Variants in MYO1D observed in about 807,000 individuals in gnomAD.
MYO1D encodes unconventional myosin-Id.
A neutral mutation model predicts 122.0 loss-of-function variants in MYO1D; 83 were observed. The observed-to-expected ratio is 0.68, with a 90% CI of 0.57 to 0.82. The LOEUF is 0.82. Among genes scored for constraint, MYO1D ranks in the 40% least tolerant of loss-of-function variants. MYO1D has a pLI of 0.00. For missense variants in MYO1D, 1,157 were observed against 1,269.5 expected, an observed-to-expected ratio of 0.91 and a Z score of 1.35; for synonymous variants, 464 against 446.9, an observed-to-expected ratio of 1.04 and a Z score of -0.48.
chr17:32,510,852 C>A (rs1909669278), intron 21 of MYO1D: 1 of 152,080 alleles, frequency 6.6e-6, no homozygotes, highest in South Asian at 2.1e-4. Context: ...TTCCTCTGAC[C>A]CTGCCAAAAT....
intron 1 of MYO1D, among the ~76,000 whole-genome samples, chr17:32,822,033 A>C (rs898463433): frequency 1.3e-5 from 2 of 152,226 alleles, no homozygotes; most frequent in East Asian, 1.9e-4. Context: ...GGTATATACC[A>C]AAAGGATTAT....
chr17:32,632,515 C>G (rs892883128), intron 20 of MYO1D: 1 of 149,952 alleles, frequency 6.7e-6, no homozygotes, highest in Non-Finnish European at 1.5e-5. Context: ...CCATCTGACT[C>G]CTAAAGGCAT....
intron 12 of MYO1D, among the ~76,000 whole-genome samples, chr17:32,748,152 T>G (rs551848979): frequency 6.6e-6 from 1 of 152,356 alleles, no homozygotes; most frequent in African/African-American, 2.4e-5. Flanking sequence ...AATTTTTAGT[T>G]ATACTTTCTG....
At chr17:32,732,046 C>T (rs574671453) in intron 14 of MYO1D, among the ~76,000 whole-genome samples, 1 of 152,232 alleles carries the variant, frequency 6.6e-6, no homozygotes, top group Non-Finnish European at 1.5e-5. Flanking sequence ...GGTATGCGCA[C>T]ACTTGGGGCA....
intron 20 of MYO1D, among the ~76,000 whole-genome samples, chr17:32,623,106 C>CCCTT (rs10635904): frequency 0.58 from 87,862 of 151,550 alleles, 26,180 homozygotes; most frequent in African/African-American, 0.71. Flanking sequence ...AATGGCTGCT[C>CCCTT]AACAGGAGCC....
At chr17:32,736,221 A>G (rs2089699310) in intron 14 of MYO1D, among the ~76,000 whole-genome samples, 1 of 152,224 alleles carries the variant, frequency 6.6e-6, no homozygotes, top group African/African-American at 2.4e-5. Context: ...TGTAGCAGAG[A>G]TTGCTAGGCT....
rs552559382 is a variant in MYO1D at position 32,782,867 on chromosome 17, G to A, written c.96-2083C>T. On this transcript the variant is annotated intron_variant, in intron 1 of 21. Coordinates refer to ENST00000318217, the MANE Select transcript of MYO1D (RefSeq NM_015194.3). Reference sequence around the variant, plus strand: ...GGAGGATCGGTTGAACCTGGGAGGCGGAGGTTGCAGTGAGGCAAGATCGCA... The same window carrying A: ...GGAGGATCGGTTGAACCTGGGAGGCAGAGGTTGCAGTGAGGCAAGATCGCA... 8.6e-5 allele frequency among the ~76,000 whole-genome samples: 13 copies of A among 152,030 alleles called. No homozygotes were observed. In the South Asian group the frequency reaches 2.1e-3, roughly 24 times the overall value.
chr17:32,543,878 C>T (rs1006858305), intron 21 of MYO1D, among the ~76,000 whole-genome samples: 2 of 152,064 alleles, frequency 1.3e-5, no homozygotes, highest in South Asian at 2.1e-4. Context: ...CTGCAACCTC[C>T]GCCTCCCAGG....
At chr17:32,778,200 A>G (rs1427103409) in intron 3 of MYO1D, among the ~76,000 whole-genome samples, 1 of 152,222 alleles carries the variant, frequency 6.6e-6, no homozygotes, top group Non-Finnish European at 1.5e-5. Context: ...AACACTTTCA[A>G]CTGTTTCAGA....
intron 21 of MYO1D, among the ~76,000 whole-genome samples, chr17:32,552,105 T>G (rs2087021111): frequency 6.6e-6 from 1 of 152,228 alleles, no homozygotes; most frequent in East Asian, 1.9e-4. Flanking sequence ...GGACAGGGTC[T>G]TGCTTTGTTG....
intron 16 of MYO1D, among the ~76,000 whole-genome samples, chr17:32,673,090 C>CTTATTTTTT (rs2088746006): frequency 3.5e-5 from 1 of 28,628 alleles, no homozygotes; most frequent in Non-Finnish European, 8.5e-5. Context: ...AAACATGCTA[C>CTTATTTTTT]TTTTTTTTTT....
intron 14 of MYO1D, among the ~76,000 whole-genome samples, chr17:32,726,225 C>T (rs554727012): frequency 1.3e-5 from 2 of 152,168 alleles, no homozygotes; most frequent in East Asian, 3.9e-4. Context: ...TTGAGACCAG[C>T]CTGGCCAACA....
At chr17:32,646,544 G>C (rs1423568353) in intron 19 of MYO1D, among the ~76,000 whole-genome samples, 2 of 151,872 alleles carry the variant, frequency 1.3e-5, no homozygotes, top group African/African-American at 4.8e-5. Context: ...ATGAGTGTAG[G>C]GCAAAAGAAT....
intron 1 of MYO1D, among the ~76,000 whole-genome samples, chr17:32,815,595 A>G (rs1053019252): frequency 1.3e-5 from 2 of 152,246 alleles, no homozygotes; most frequent in African/African-American, 2.4e-5. Context: ...AGATTTGCCA[A>G]TGAGAACAGG....
chr17:32,818,449 G>A (rs910641410), intron 1 of MYO1D, among the ~76,000 whole-genome samples: 2 of 152,196 alleles, frequency 1.3e-5, no homozygotes, highest in African/African-American at 2.4e-5. Context: ...ACACTGCAAC[G>A]GAGGCAGATG....
rs2089502806 is a variant in MYO1D at position 32,720,970 on chromosome 17, G to A, written c.1913+53C>T. The A allele has an allele frequency of 5.2e-6, 8 of 1,544,352 alleles. 1 individual carries two copies. In the South Asian group the frequency reaches 9.8e-5, roughly 19 times the overall value. On this transcript the variant is annotated intron_variant, in intron 15 of 21. Transcript: ENST00000318217. ...ATGTGCTGATGCACTATTGTACGGG[G>A]AGGACTCCCTTATTCTCAGTGAACT...
intron 21 of MYO1D, chr17:32,505,145 C>G (rs1028102846): frequency 1.6e-4 from 25 of 152,240 alleles, no homozygotes; most frequent in African/African-American, 6.0e-4. Context: ...CTCAAAAGAC[C>G]CTGCGGCTCC....
At position 32,651,922 on chromosome 17, in the gene MYO1D, C is replaced by T. The variant is rs185194672; in HGVS notation, c.2595+1921G>A. On this transcript the variant is annotated intron_variant, in intron 19 of 21. Coordinates refer to ENST00000318217, the MANE Select transcript of MYO1D (RefSeq NM_015194.3). ...TGATCGCTTGACCTCATGATCCACC[C>T]GCCTCGGCCTTCCAAAGTGGTGGGA... Among the ~76,000 whole-genome samples the T allele has an allele frequency of 1.8e-4, 27 of 152,252 alleles. No homozygotes were observed. The East Asian group carries it at 2.3e-3, about 13-fold the overall frequency.
chr17:32,852,089 T>C (rs1180859482), intron 1 of MYO1D, among the ~76,000 whole-genome samples: 2 of 152,236 alleles, frequency 1.3e-5, no homozygotes, highest in Non-Finnish European at 2.9e-5. Flanking sequence ...CCAGTGGAAG[T>C]AGAAATTGAT....
Sources: allele counts gnomAD v4.1 joint callset (sites outside exome capture counted in the v4.1 genomes callset), GRCh38; gene constraint gnomAD v4.1.1; transcripts MANE v1.5; gene names NCBI Gene and HGNC (gene_info 2026-07-23, HGNC 2026-07-21).